Variants in TMEM236 observed in about 807,000 individuals in gnomAD.
TMEM236 encodes the protein transmembrane protein 236.
TMEM236 carries 11 observed loss-of-function variants against 14.7 expected under a neutral mutation model. The ratio of observed to expected loss-of-function variants is 0.75; its 90% confidence interval spans 0.47 to 1.24. The LOEUF (loss-of-function observed/expected upper bound fraction) is 1.24, where lower values mean the gene tolerates loss of function less well. Among genes scored for constraint, TMEM236 ranks in the 50% most tolerant of loss-of-function variants. TMEM236 has a pLI of 0.00. For missense variants in TMEM236, 464 were observed against 427.3 expected (o/e 1.09, Z -0.76); for synonymous variants, 182 against 168.6 (o/e 1.08, Z -0.62).
intron 3 of TMEM236, among the ~76,000 whole-genome samples, chr10:17,779,110 G>T (rs1272779939): frequency 1.3e-5 from 2 of 152,182 alleles, no homozygotes; most frequent in Non-Finnish European, 2.9e-5. Context: ...AGGATAGCCT[G>T]TGGGTACAAA....
At chr10:17,776,964 T>C (rs1482011488) in intron 3 of TMEM236, among the ~76,000 whole-genome samples, 1 of 152,214 alleles carries the variant, frequency 6.6e-6, no homozygotes, top group African/African-American at 2.4e-5. Flanking sequence ...TGGCAATATT[T>C]GTATGCTAGT....
chr10:17,800,628 C>A lies in TMEM236; in HGVS notation c.*4124C>A, dbSNP rs1838079511. 1 of 152,138 alleles carries A rather than the reference C, an allele frequency of 6.6e-6. No individual in the cohort carries two copies. The highest frequency in any genetic ancestry group is 6.6e-5 in the Admixed American group (1 of 15,252). The allele number at this position is 152,138 out of a possible 1,614,324, so 9.4% of individuals were successfully genotyped here. A position where few individuals can be genotyped will look rare whatever the true frequency, so the allele number is the denominator to read the frequency against. On this transcript the variant is annotated 3_prime_UTR_variant, in exon 4 of 4. Coordinates refer to ENST00000377495, the MANE Select transcript of TMEM236 (RefSeq NM_001098844.3). The stretch of plus-strand genomic sequence containing the variant: ...TATGTTCTGGGCACTATGCTGTTTG[C>A]CTAATACATAATTGCCTTGTGCTGT...
intron 1 of TMEM236, among the ~76,000 whole-genome samples, chr10:17,767,233 TG>T (rs1837482272): frequency 6.6e-6 from 1 of 151,970 alleles, no homozygotes; most frequent in African/African-American, 2.4e-5. Context: ...GAGGCCGAGG[TG>T]GGTGGATCTC....
chr10:17,767,204 T>C (rs2131745988), intron 1 of TMEM236, among the ~76,000 whole-genome samples: 1 of 152,342 alleles, frequency 6.6e-6, no homozygotes, highest in Non-Finnish European at 1.5e-5. Flanking sequence ...GGCTCACGCC[T>C]GTAATCCCAG....
intron 2 of TMEM236, among the ~76,000 whole-genome samples, chr10:17,774,029 T>TTTG (rs1554835038): frequency 1.5e-5 from 2 of 133,610 alleles, no homozygotes; most frequent in African/African-American, 2.5e-5. Flanking sequence ...ATATATATAT[T>TTTG]TTTGTTTGTT....
At chr10:17,769,545 G>C (rs969490571) in intron 1 of TMEM236, among the ~76,000 whole-genome samples, 5 of 152,190 alleles carry the variant, frequency 3.3e-5, no homozygotes, top group Non-Finnish European at 5.9e-5. Context: ...CATTGTCATC[G>C]TTTAGAGGTC....
At chr10:17,780,123 C>T (rs1182953110) in intron 3 of TMEM236, among the ~76,000 whole-genome samples, 1 of 152,144 alleles carries the variant, frequency 6.6e-6, no homozygotes, top group African/African-American at 2.4e-5. Flanking sequence ...AGGTAGTGGC[C>T]ATTCTACTCC....
At chr10:17,790,303 A>T (rs1837905700) in intron 3 of TMEM236, among the ~76,000 whole-genome samples, 2 of 152,222 alleles carry the variant, frequency 1.3e-5, no homozygotes, top group African/African-American at 4.8e-5. Flanking sequence ...GCTGTATTTG[A>T]ATGGAAGCTG....
chr10:17,772,978 C>T (rs1307363158), intron 2 of TMEM236, among the ~76,000 whole-genome samples: 1 of 152,146 alleles, frequency 6.6e-6, no homozygotes, highest in Admixed American at 6.6e-5. Context: ...TTGTGAGGGT[C>T]ATTCCTGTTT....
chr10:17,781,326 A>T (rs1837744174), intron 3 of TMEM236, among the ~76,000 whole-genome samples: 1 of 152,198 alleles, frequency 6.6e-6, no homozygotes, highest in Admixed American at 6.5e-5. Context: ...GCTTGGTTGG[A>T]TTTCACACCT....
At chr10:17,767,143 A>G (rs1025501766) in intron 1 of TMEM236, among the ~76,000 whole-genome samples, 2 of 152,154 alleles carry the variant, frequency 1.3e-5, no homozygotes, top group Non-Finnish European at 2.9e-5. Context: ...GGGAGACACC[A>G]TTTGACCCAT....
intron 3 of TMEM236, among the ~76,000 whole-genome samples, chr10:17,784,913 A>G (rs907857240): frequency 5.9e-5 from 9 of 152,204 alleles, no homozygotes; most frequent in Admixed American, 1.3e-4. Flanking sequence ...TTGAGTGTGC[A>G]GCAGAAATTG....
intron 3 of TMEM236, among the ~76,000 whole-genome samples, chr10:17,793,441 A>G (rs907330604): frequency 1.6e-4 from 24 of 152,314 alleles, no homozygotes; most frequent in African/African-American, 5.8e-4. Context: ...AGGACATGAC[A>G]TATTATAAGG....
At chr10:17,775,216 T>G (rs1013128749) in intron 2 of TMEM236, among the ~76,000 whole-genome samples, 23 of 152,204 alleles carry the variant, frequency 1.5e-4, no homozygotes, top group African/African-American at 5.3e-4. Context: ...GAGGGAAAAC[T>G]TTCAATATTT....
intron 1 of TMEM236, among the ~76,000 whole-genome samples, chr10:17,764,106 G>T (rs899667594): frequency 6.6e-6 from 1 of 152,140 alleles, no homozygotes; most frequent in African/African-American, 2.4e-5. Context: ...GCAGGGAAAC[G>T]TTAACTTCAT....
At chr10:17,773,935 C>A (rs930430273) in intron 2 of TMEM236, among the ~76,000 whole-genome samples, 1 of 152,048 alleles carries the variant, frequency 6.6e-6, no homozygotes, top group African/African-American at 2.4e-5. Flanking sequence ...TTATTGCTTT[C>A]CTTTATGGAT....
At chr10:17,756,438 G>A (rs1837285259) in intron 1 of TMEM236, among the ~76,000 whole-genome samples, 2 of 152,058 alleles carry the variant, frequency 1.3e-5, no homozygotes. Context: ...GGGGATTACA[G>A]TTGTGCACGA....
Position 17,799,763 on chromosome 10 carries a change from C to G in TMEM236, c.*3259C>G, listed in dbSNP as rs960005906. The G allele has an allele frequency of 2.0e-5, 3 of 152,444 alleles. 1 individual carries two copies. Among genetic ancestry groups the G allele is most frequent in the African/African-American group, 7.2e-5 (3 of 41,466 alleles). 9.4% of individuals were successfully genotyped at this position (152,444 alleles called of 1,614,324 possible). ...CTTAGCAACAGTGCTCAGATAAACT[C>G]AAAAGTATTACTTGAGTTTAGAATG... On this transcript the variant is annotated 3_prime_UTR_variant, in exon 4 of 4. Transcript: ENST00000377495.
Position 17,767,881 on chromosome 10 carries a change from A to G in TMEM236, c.258-3428A>G, listed in dbSNP as rs797042220. On this transcript the variant is annotated intron_variant, in intron 1 of 3. Transcript: ENST00000377495. ...CACTATCTTGAAATTATGAGTGATT[A>G]CAATTTTTACTAGATCTTAAGTACT... 1.1e-4 allele frequency among the ~76,000 whole-genome samples: 17 copies of G among 151,232 alleles called. No individual in the cohort carries two copies. The South Asian group carries it at 3.6e-3, about 32-fold the overall frequency.
Sources: gnomAD v4.1 joint callset for allele counts (sites outside exome capture counted in the v4.1 genomes callset) on GRCh38, gnomAD v4.1.1 for gene constraint, MANE v1.5 for transcripts, NCBI Gene and HGNC (gene_info 2026-07-23, HGNC 2026-07-21) for gene names.